The following COX4I1 variants were observed in gnomAD, a reference collection of about 807,000 sequenced individuals.
COX4I1 encodes the protein cytochrome c oxidase subunit 4I1, also known as cytochrome c oxidase subunit 4 isoform 1, mitochondrial.
A neutral mutation model predicts 21.7 loss-of-function variants in COX4I1; 18 were observed. That is an observed-to-expected ratio of 0.83 (90% CI 0.57 to 1.23). The LOEUF (loss-of-function observed/expected upper bound fraction) is 1.23. COX4I1 is among the 50% of genes most tolerant of loss of function. The probability of loss-of-function intolerance (pLI) is 0.00; values close to 1 mark genes in which losing one functional copy is unlikely to be tolerated. For synonymous variants in COX4I1, 100 were observed against 81.5 expected (o/e 1.23, Z -1.23); for missense variants, 238 against 220.7 (o/e 1.08, Z -0.50).
intron 2 of COX4I1, among the ~76,000 whole-genome samples, chr16:85,802,203 G>A (rs1021685297): frequency 6.6e-6 from 1 of 152,138 alleles, no homozygotes; most frequent in African/African-American, 2.4e-5. Context: ...GTAGAGCCCC[G>A]AGTTGTGGGT....
rs753867498 is a variant in COX4I1, at chr16:85,806,907, GCT to G, written c.*36_*37del. ...TGGCCTGCGCCTGCACCTGCGCCTG[GCT>G]CTGTCACCGCCATGCAACTCCATGC... On this transcript the variant is annotated 3_prime_UTR_variant, in exon 5 of 5. Coordinates refer to ENST00000253452, the MANE Select transcript of COX4I1 (RefSeq NM_001861.6). The G allele has an allele frequency of 2.9e-5, 47 of 1,595,814 alleles. No homozygotes were observed. The African/African-American group carries it at 5.9e-4, about 20-fold the overall frequency.
chr16:85,805,702 GC>G (rs1567844267), intron 3 of COX4I1, 30 bp from the exon 4 acceptor site: 2 of 1,610,908 alleles, frequency 1.2e-6, no homozygotes. Context: ...TGACCTTTGT[GC>G]CTGTAAATGG....
chr16:85,807,050 A>C lies in COX4I1; in HGVS notation c.*176A>C, dbSNP rs1906271937. ...TGATACCTAAATGAAAGCTAATTAA[A>C]ACAATAGGTTTCTCCCAAGGGTCTG... On this transcript the variant is annotated 3_prime_UTR_variant, in exon 5 of 5. Transcript: ENST00000253452. 1 of 668,460 alleles carries C rather than the reference A, an allele frequency of 1.5e-6. No individual in the cohort carries two copies. The highest frequency in any genetic ancestry group is 3.3e-5 in the Admixed American group (1 of 30,456). 41.4% of individuals were successfully genotyped at this position (668,460 alleles called of 1,614,324 possible). A position where few individuals can be genotyped will look rare whatever the true frequency, so the allele number is the denominator to read the frequency against.
intron 2 of COX4I1, among the ~76,000 whole-genome samples, chr16:85,802,652 C>T (rs775022061): frequency 7.2e-5 from 11 of 152,218 alleles, no homozygotes; most frequent in African/African-American, 1.7e-4. Flanking sequence ...CCCAGATATA[C>T]CAGATCTCCC....
chr16:85,804,171 A>G (rs1020505589), intron 2 of COX4I1: 1 of 152,248 alleles, frequency 6.6e-6, no homozygotes, highest in East Asian at 1.9e-4. Flanking sequence ...GTTCCCTGGA[A>G]CAGTGCTGTT....
chr16:85,801,220 G>A lies in COX4I1; in HGVS notation c.15G>A (p.Arg5=). ...TATCTTTCAGAATGTTGGCTACCAG[G>A]GTATTTAGCCTAGTTGGCAAGCGAG... MLAT[R]VFSLVGKRAI... The change falls in exon 2 of 5, where the codon AGG becomes AGA. Residue 5 remains arginine (R), a synonymous_variant. Coordinates refer to ENST00000253452, the MANE Select transcript of COX4I1 (RefSeq NM_001861.6). 2 of 1,608,244 alleles carry A rather than the reference G, an allele frequency of 1.2e-6. No homozygotes were observed. The highest frequency in any genetic ancestry group is 2.2e-5 in the East Asian group (1 of 44,702).
intron 2 of COX4I1, among the ~76,000 whole-genome samples, chr16:85,801,725 C>A (rs1905780835): frequency 1.3e-5 from 2 of 152,150 alleles, no homozygotes; most frequent in African/African-American, 4.8e-5. Flanking sequence ...CAAGGACTAG[C>A]TACTGAAGCT....
chr16:85,800,088 T>C (rs1018244640), intron 1 of COX4I1, among the ~76,000 whole-genome samples: 3 of 152,080 alleles, frequency 2.0e-5, no homozygotes, highest in East Asian at 1.9e-4. Flanking sequence ...CCGCCCTTGC[T>C]CCTTCAAAAG....
chr16:85,805,318 T>G, intron 3 of COX4I1: 2 of 561,596 alleles, frequency 3.6e-6, no homozygotes, highest in Middle Eastern at 4.7e-4. Flanking sequence ...CTAGGCCCCC[T>G]TCTCTGTGCT....
chr16:85,806,506 G>C, intron 4 of COX4I1: 1 of 714,174 alleles, frequency 1.4e-6, no homozygotes. Context: ...CCTTTAGAGA[G>C]GACCTTCTGC....
Position 85,806,947 on chromosome 16 carries a change from A to C in COX4I1, c.*73A>C, listed in dbSNP as rs933154996. The C allele has an allele frequency of 6.6e-7, 1 of 1,514,836 alleles. No individual in the cohort carries two copies. The highest frequency in any genetic ancestry group is 9.0e-7 in the Non-Finnish European group (1 of 1,114,632). The allele number at this position is 1,514,836 out of a possible 1,614,324, so 93.8% of individuals were successfully genotyped here. The stretch of plus-strand genomic sequence containing the variant: ...TGCAACTCCATGCCTATTTACTGGA[A>C]ACCTGTTATGCCAAACAGTTGTACC... On this transcript the variant is annotated 3_prime_UTR_variant, in exon 5 of 5. Coordinates refer to ENST00000253452, the MANE Select transcript of COX4I1 (RefSeq NM_001861.6).
At chr16:85,806,641 G>A (rs1906226499) in intron 4 of COX4I1, 97 bp from the exon 5 acceptor site, 5 of 1,599,186 alleles carry the variant, frequency 3.1e-6, no homozygotes, top group Non-Finnish European at 3.4e-6. Context: ...TGCTGACCTG[G>A]TGGCTGGTGT....
In COX4I1 at chr16:85,805,834, G is replaced by A. The variant is rs772180664; in HGVS notation, c.343G>A (p.Ala115Thr). The change falls in exon 4 of 5, where the codon GCG becomes ACG. Residue 115 changes from alanine (A) to threonine (T), a missense_variant. Coordinates refer to ENST00000253452, the MANE Select transcript of COX4I1 (RefSeq NM_001861.6). Reference sequence around the variant, plus strand: ...TGCCATGTTCTTCATCGGTTTCACCGCGCTCGTTATCATGTGGCAGAAGCA... The same window carrying A: ...TGCCATGTTCTTCATCGGTTTCACCACGCTCGTTATCATGTGGCAGAAGCA... ...GGAMFFIGFT[A>T]LVIMWQKHYV... 15 of 1,614,114 alleles carry A rather than the reference G, an allele frequency of 9.3e-6. No homozygotes were observed. The highest frequency in any genetic ancestry group is 1.3e-5 in the Non-Finnish European group (15 of 1,180,048).
intron 1 of COX4I1, 22 bp from the exon 2 acceptor site, chr16:85,801,183 G>A: frequency 1.3e-6 from 2 of 1,588,376 alleles, no homozygotes; most frequent in East Asian, 2.3e-5. Flanking sequence ...TCATAGAGAA[G>A]GTGTACATTT....
At chr16:85,806,609 G>C in intron 4 of COX4I1, 129 bp from the exon 5 acceptor site, 2 of 1,311,638 alleles carry the variant, frequency 1.5e-6, no homozygotes, top group South Asian at 1.2e-5. Context: ...TGTTTGAGCG[G>C]GTGTTGAGTG....
chr16:85,801,997 A>G (rs2152081883), intron 2 of COX4I1, among the ~76,000 whole-genome samples: 1 of 152,210 alleles, frequency 6.6e-6, no homozygotes, highest in East Asian at 1.9e-4. Flanking sequence ...GGTTTCAGGG[A>G]AGGCTTCTGG....
rs564372819 is a variant in COX4I1 at position 85,806,754 on chromosome 16, G to A, written c.390G>A (p.Pro130=). ...ACACCGTAGTGTACGGCCCCCTCCC[G>A]CAAAGCTTTGACAAAGAGTGGGTGG... ...WQKHYVYGPL[P]QSFDKEWVAK... Residue 130 remains proline, a synonymous_variant, in exon 5 of 5, where the codon CCG becomes CCA. Transcript: ENST00000253452. 54 of 1,613,986 alleles carry A rather than the reference G, an allele frequency of 3.3e-5. No individual in the cohort carries two copies. In the South Asian group the frequency reaches 5.2e-4, roughly 15 times the overall value.
At chr16:85,805,326 G>A (rs1879924072) in intron 3 of COX4I1, 3 of 559,794 alleles carry the variant, frequency 5.4e-6, no homozygotes, top group African/African-American at 3.7e-5. Context: ...CCTTCTCTGT[G>A]CTGAGTGGAG....
intron 2 of COX4I1, among the ~76,000 whole-genome samples, 185 bp downstream of exon 2, chr16:85,801,463 C>G (rs940094720): frequency 6.6e-6 from 1 of 152,084 alleles, no homozygotes; most frequent in African/African-American, 2.4e-5. Context: ...CAAATTGAAT[C>G]TCTTCTGGAT....
Sources: gnomAD v4.1 joint callset for allele counts (sites outside exome capture counted in the v4.1 genomes callset) on GRCh38, gnomAD v4.1.1 for gene constraint, MANE v1.5 for transcripts, NCBI Gene and HGNC (gene_info 2026-07-23, HGNC 2026-07-21) for gene names.